IL1RAPL1: variants seen among roughly 807,000 people sequenced by gnomAD.
IL1RAPL1 encodes the protein interleukin-1 receptor accessory protein-like 1.
IL1RAPL1 carries 3 observed loss-of-function variants against 48.4 expected under a neutral mutation model. That is an observed-to-expected ratio of 0.06 (90% CI 0.03 to 0.16). The LOEUF (loss-of-function observed/expected upper bound fraction) is 0.16, where lower values mean the gene tolerates loss of function less well. Among genes scored for constraint, IL1RAPL1 ranks in the 10% least tolerant of loss-of-function variants. IL1RAPL1 has a pLI of 1.00. For missense variants in IL1RAPL1, 349 were observed against 530.6 expected (o/e 0.66, Z 3.36); for synonymous variants, 185 against 187.7 (o/e 0.99, Z 0.12).
chrX:29,906,800 G>T (rs1489477073), intron 6 of IL1RAPL1, among the ~76,000 whole-genome samples: 1 of 109,440 alleles, frequency 9.1e-6, no homozygotes, highest in African/African-American at 3.3e-5. Context: ...AAAATCACCT[G>T]AGGGTGCTTG....
At chrX:29,083,740 A>G (rs1927892859) in intron 2 of IL1RAPL1, among the ~76,000 whole-genome samples, 1 of 112,126 alleles carries the variant, frequency 8.9e-6, no homozygotes, top group African/African-American at 3.2e-5. Flanking sequence ...TAATGGGATA[A>G]TACTAAAGAA....
chrX:29,460,291 G>A (rs1333862554), intron 5 of IL1RAPL1, among the ~76,000 whole-genome samples: 1 of 112,191 alleles, frequency 8.9e-6, no homozygotes, highest in Non-Finnish European at 1.9e-5. Flanking sequence ...GCTCCCCTGA[G>A]ATTAGTTTAT....
Position 29,405,361 on chromosome X carries a change from T to TTTC in IL1RAPL1, c.703+6055_703+6056insCTT, listed in dbSNP as rs1446487664. On this transcript the variant is annotated intron_variant, in intron 5 of 10. Transcript: ENST00000378993. ...TAGATATGATATTTTCTCTGTGTTCTTTATTTATTTATTTATTTTTTTTGA... is the reference window on the plus strand; with the variant it reads ...TAGATATGATATTTTCTCTGTGTTCTTTCTTATTTATTTATTTATTTTTTTTGA... Among the ~76,000 whole-genome samples, 162 of 99,502 alleles carry TTTC rather than the reference T, an allele frequency of 1.6e-3. 4 individuals are homozygous for TTTC. Among genetic ancestry groups the TTTC allele is most frequent in the African/African-American group, 6.7e-3 (142 of 21,291 alleles). 86.4% of individuals were successfully genotyped at this position (99,502 alleles called of 115,157 possible). A position where few individuals can be genotyped will look rare whatever the true frequency, so the allele number is the denominator to read the frequency against.
chrX:28,670,241 G>A (rs1934935182), intron 1 of IL1RAPL1, among the ~76,000 whole-genome samples: 1 of 111,646 alleles, frequency 9.0e-6, no homozygotes, highest in South Asian at 3.7e-4. Context: ...TCCTTGTATA[G>A]TGCTTTGGAG....
At chrX:29,726,536 A>G (rs1409124590) in intron 6 of IL1RAPL1, among the ~76,000 whole-genome samples, 1 of 112,616 alleles carries the variant, frequency 8.9e-6, no homozygotes, top group Non-Finnish European at 1.9e-5. Flanking sequence ...ATTTGCCTCT[A>G]GTCATTTTTA....
chrX:29,449,738 TAC>T (rs539577442), intron 5 of IL1RAPL1, among the ~76,000 whole-genome samples: 15,134 of 63,719 alleles, frequency 0.24, 1,812 homozygotes, highest in Middle Eastern at 0.34. Context: ...TACATATGCA[TAC>T]ACACACACAC....
chrX:29,333,061 C>G (rs1428181685), intron 3 of IL1RAPL1, among the ~76,000 whole-genome samples: 1 of 112,378 alleles, frequency 8.9e-6, no homozygotes, highest in African/African-American at 3.2e-5. Context: ...CCACACAGAC[C>G]CGGCAACCAT....
intron 5 of IL1RAPL1, among the ~76,000 whole-genome samples, chrX:29,603,759 C>T (rs933920107): frequency 9.0e-6 from 1 of 111,712 alleles, no homozygotes; most frequent in Non-Finnish European, 1.9e-5. Context: ...CCAAACATAC[C>T]ATTTTCAAAA....
intron 5 of IL1RAPL1, among the ~76,000 whole-genome samples, chrX:29,582,666 A>T (rs1923015162): frequency 1.8e-5 from 1 of 55,291 alleles, no homozygotes; most frequent in Non-Finnish European, 3.3e-5. Flanking sequence ...TTCTTGCGAT[A>T]GTTTACTGAG....
chrX:29,280,823 G>C (rs946236550), intron 2 of IL1RAPL1, among the ~76,000 whole-genome samples: 1 of 111,691 alleles, frequency 9.0e-6, no homozygotes, highest in Non-Finnish European at 1.9e-5. Context: ...TGACCAGGAT[G>C]GGAAGGCAAA....
At chrX:29,733,569 A>G (rs1927973430) in intron 6 of IL1RAPL1, among the ~76,000 whole-genome samples, 1 of 112,257 alleles carries the variant, frequency 8.9e-6, no homozygotes, top group Admixed American at 9.4e-5. Context: ...CTTTCAGCAA[A>G]TAACCTGCAG....
intron 2 of IL1RAPL1, among the ~76,000 whole-genome samples, chrX:29,108,398 T>C (rs1360686510): frequency 1.8e-5 from 2 of 110,639 alleles, no homozygotes; most frequent in African/African-American, 3.3e-5. Context: ...ATTTTGTTTT[T>C]GTTTGTTTGT....
intron 6 of IL1RAPL1, among the ~76,000 whole-genome samples, chrX:29,884,988 A>G (rs1415181196): frequency 9.0e-6 from 1 of 111,206 alleles, no homozygotes; most frequent in Non-Finnish European, 1.9e-5. Flanking sequence ...TTACATTGTC[A>G]GCAACAGTCC....
intron 6 of IL1RAPL1, among the ~76,000 whole-genome samples, chrX:29,713,199 C>T (rs188549643): frequency 9.0e-6 from 1 of 111,287 alleles, no homozygotes; most frequent in African/African-American, 3.3e-5. Flanking sequence ...AGATTTTAAT[C>T]TATAAAGGAA....
intron 2 of IL1RAPL1, among the ~76,000 whole-genome samples, chrX:29,208,766 A>G (rs1172267582): frequency 9.2e-6 from 1 of 109,253 alleles, no homozygotes; most frequent in East Asian, 2.8e-4. Flanking sequence ...GTCTTAGCTA[A>G]TCTTTCTTCA....
chrX:29,055,012 A>G lies in IL1RAPL1; in HGVS notation c.83-227926A>G, dbSNP rs562859578. ...AAATACATGTGCAGACCAGTGTTCA[A>G]TAGTATGTAGCATAGTTTATATTTA... On this transcript the variant is annotated intron_variant, in intron 2 of 10. Transcript: ENST00000378993. Among the ~76,000 whole-genome samples the G allele has an allele frequency of 4.4e-4, 49 of 111,878 alleles. No individual in the cohort carries two copies. In the South Asian group the frequency reaches 0.018, roughly 42 times the overall value.
chrX:29,447,891 G>C (rs939910345), intron 5 of IL1RAPL1, among the ~76,000 whole-genome samples: 1 of 112,191 alleles, frequency 8.9e-6, no homozygotes, highest in African/African-American at 3.2e-5. Flanking sequence ...TACTTGAACA[G>C]TTAGGGTAGA....
intron 1 of IL1RAPL1, among the ~76,000 whole-genome samples, chrX:28,649,218 T>C (rs1404246773): frequency 8.9e-6 from 1 of 112,145 alleles, no homozygotes; most frequent in Non-Finnish European, 1.9e-5. Flanking sequence ...AACATGCCTT[T>C]ATTGTTCATC....
At chrX:29,605,114 AC>A (rs1923849285) in intron 5 of IL1RAPL1, among the ~76,000 whole-genome samples, 1 of 101,064 alleles carries the variant, frequency 9.9e-6, no homozygotes, top group African/African-American at 3.7e-5. Context: ...ACACACACAC[AC>A]ACACACACAC....
Sources: gnomAD v4.1 joint callset for allele counts (sites outside exome capture counted in the v4.1 genomes callset) on GRCh38, gnomAD v4.1.1 for gene constraint, MANE v1.5 for transcripts, NCBI Gene and HGNC (gene_info 2026-07-23, HGNC 2026-07-21) for gene names.